Variants in COCH observed in about 807,000 individuals in gnomAD.
COCH encodes coagulation factor C homolog, cochlin (Limulus polyphemus).
In COCH, 40 loss-of-function variants were observed where a neutral mutation model predicts 54.8. That is an observed-to-expected ratio of 0.73 (90% confidence interval 0.57 to 0.95). The LOEUF (loss-of-function observed/expected upper bound fraction) is 0.95. Among genes scored for constraint, COCH ranks in the 40% least tolerant of loss-of-function variants. The probability of loss-of-function intolerance (pLI) is 0.00; values close to 1 mark genes in which losing one functional copy is unlikely to be tolerated. For missense variants in COCH, 605 were observed against 675.0 expected, an observed-to-expected ratio of 0.90 and a Z score of 1.15; for synonymous variants, 256 against 237.9, an observed-to-expected ratio of 1.08 and a Z score of -0.70.
downstream of COCH, among the ~76,000 whole-genome samples, chr14:30,891,338 TCTC>T (rs1473108061): frequency 6.6e-6 from 1 of 152,154 alleles, no homozygotes; most frequent in Non-Finnish European, 1.5e-5. Context: ...ATAGGTCCTA[TCTC>T]CTCCTCTCAT....
At chr14:30,892,171 CATT>C (rs756306278), downstream of COCH, among the ~76,000 whole-genome samples, 563 of 152,244 alleles carry the variant, frequency 3.7e-3, 1 homozygote, top group Admixed American at 6.5e-3. Context: ...GAAAATAAGA[CATT>C]ATTTTTGCAT....
chr14:30,894,997 T>C, downstream of COCH: 1 of 637,606 alleles, frequency 1.6e-6, no homozygotes, highest in Non-Finnish European at 2.0e-6. Context: ...CTCTTGGAGC[T>C]CACTTCCCCC....
At chr14:30,887,902 A>G (rs1483786718) in intron 11 of COCH, among the ~76,000 whole-genome samples, 1 of 152,212 alleles carries the variant, frequency 6.6e-6, no homozygotes, top group East Asian at 1.9e-4. Context: ...TACTTAGCTT[A>G]CTGAACTTAT....
Position 30,880,435 on chromosome 14 carries a change from T to C in COCH, c.437-17T>C, listed in dbSNP as rs780155141. 4 of 1,613,366 alleles carry C rather than the reference T, an allele frequency of 2.5e-6. No individual in the cohort carries two copies. The highest frequency in any genetic ancestry group is 1.1e-5 in the South Asian group (1 of 90,964). ...CTGTCTTCCTTTTGTTAATGCCAAG[T>C]GCATCTTTTATTTCAGGTAAACGAC... On this transcript the variant is annotated splice_polypyrimidine_tract_variant and intron_variant, in intron 6 of 11. Transcript: ENST00000396618.
Position 30,889,972 on chromosome 14 carries a change from G to A in COCH, c.*181G>A. The A allele has an allele frequency of 1.5e-6, 2 of 1,357,438 alleles. No homozygotes were observed. 84.1% of individuals were successfully genotyped at this position (1,357,438 alleles called of 1,614,324 possible). On this transcript the variant is annotated 3_prime_UTR_variant, in exon 12 of 12. Coordinates refer to ENST00000396618, the MANE Select transcript of COCH (RefSeq NM_004086.3). ...CGCTGCCTTCTGGTTACAATTTACAGTGTACTTTGTTAAAAACACTGCTGA... is the reference window on the plus strand; with the variant it reads ...CGCTGCCTTCTGGTTACAATTTACAATGTACTTTGTTAAAAACACTGCTGA...
chr14:30,895,226 C>G, downstream of COCH: 2 of 624,230 alleles, frequency 3.2e-6, no homozygotes, highest in Non-Finnish European at 5.3e-6. Flanking sequence ...CCACAAAATA[C>G]AGTAATTACA....
intron 8 of COCH, among the ~76,000 whole-genome samples, chr14:30,883,334 C>A (rs1321603828): frequency 6.6e-6 from 1 of 152,018 alleles, no homozygotes; most frequent in African/African-American, 2.4e-5. Context: ...TGACCCAATT[C>A]TTTTTGAAGA....
In COCH at chr14:30,889,694, C is replaced by G; in HGVS notation, c.1556C>G (p.Ser519Cys). 6.2e-7 allele frequency: 1 copy of G among 1,613,998 alleles called. No individual in the cohort carries two copies. Among genetic ancestry groups the G allele is most frequent in the South Asian group, 1.1e-5 (1 of 91,078 alleles). ...GATATGGCTTCTAAACCGAAGGAGTCTCATGCTTTCTTCACAAGAGAGTTC... is the reference window on the plus strand; with the variant it reads ...GATATGGCTTCTAAACCGAAGGAGTGTCATGCTTTCTTCACAAGAGAGTTC... ...LKDMASKPKE[S>C]HAFFTREFTG... Residue 519 changes from serine (S) to cysteine (C), a missense_variant, in exon 12 of 12, where the codon TCT (serine) becomes TGT (cysteine). Ser to Cys is a moderately radical substitution (Grantham distance 112). Transcript: ENST00000396618.
At chr14:30,878,074 C>G (rs1431546793) in intron 4 of COCH, among the ~76,000 whole-genome samples, 1 of 152,192 alleles carries the variant, frequency 6.6e-6, no homozygotes, top group Non-Finnish European at 1.5e-5. Flanking sequence ...ACTCCAGTTA[C>G]AGATGAAGAA....
At chr14:30,892,761 C>G (rs554649328), downstream of COCH, among the ~76,000 whole-genome samples, 1 of 151,768 alleles carries the variant, frequency 6.6e-6, no homozygotes, top group South Asian at 2.1e-4. Context: ...GTGCCGAGAT[C>G]GCACCATTGC....
At chr14:30,888,272 G>A (rs1298031210) in intron 11 of COCH, among the ~76,000 whole-genome samples, 1 of 151,504 alleles carries the variant, frequency 6.6e-6, no homozygotes, top group Non-Finnish European at 1.5e-5. Flanking sequence ...GGGAGTGAGA[G>A]TCAGGAAAAG....
downstream of COCH, among the ~76,000 whole-genome samples, chr14:30,892,673 G>A (rs1270889157): frequency 1.3e-5 from 2 of 152,044 alleles, no homozygotes; most frequent in Admixed American, 1.3e-4. Flanking sequence ...CAGGTATGGT[G>A]GCGCATGCCT....
At chr14:30,882,120 G>GTTTTTTTTTTTTTGTTTTGTTTTT (rs1895619344) in intron 8 of COCH, among the ~76,000 whole-genome samples, 1 of 67,912 alleles carries the variant, frequency 1.5e-5, no homozygotes, top group African/African-American at 6.6e-5. Context: ...CTATAAAATG[G>GTTTTTTTTTTTTTGTTTTGTTTTT]TTTTTTTTTT....
Position 30,885,914 on chromosome 14 carries a change from A to G in COCH, c.1079A>G (p.Lys360Arg). ...LCTHEQMMCS[K>R]TCYNSVNIAF... ...ACTCATGAACAAATGATGTGCAGCA[A>G]GACCTGTTATAACTCAGTGAACATT... The change falls in exon 11 of 12, where the codon AAG becomes AGG. Residue 360 changes from lysine (K) to arginine (R), a missense_variant. Transcript: ENST00000396618. The G allele has an allele frequency of 6.2e-7, 1 of 1,614,238 alleles. No homozygotes were observed. Among genetic ancestry groups the G allele is most frequent in the African/African-American group, 1.3e-5 (1 of 75,060 alleles).
At position 30,878,958 on chromosome 14, in the gene COCH, T is replaced by C. The variant is rs560386160; in HGVS notation, c.373+14T>C. The C allele has an allele frequency of 6.2e-7, 1 of 1,613,676 alleles. No homozygotes were observed. Among genetic ancestry groups the C allele is most frequent in the East Asian group, 2.2e-5 (1 of 44,874 alleles). Reference sequence around the variant, plus strand: ...TCACAGTAACTAGTAGGTATAATTATTGTTCTCATTCTGTAATATTCTCCC... The same window carrying C: ...TCACAGTAACTAGTAGGTATAATTACTGTTCTCATTCTGTAATATTCTCCC... On this transcript the variant is annotated intron_variant, in intron 5 of 11. Transcript: ENST00000396618.
downstream of COCH, chr14:30,894,467 A>T (rs1423218475): frequency 6.5e-6 from 1 of 152,706 alleles, no homozygotes; most frequent in Non-Finnish European, 1.5e-5. Context: ...AGCAAGATGG[A>T]TAATCCTTGA....
chr14:30,875,939 G>A (rs1433830058), intron 3 of COCH: 1 of 152,114 alleles, frequency 6.6e-6, no homozygotes. Context: ...TTAGGGGTAA[G>A]GATTTTAACC....
In COCH at chr14:30,877,591, T is replaced by C. The variant is rs754016575; in HGVS notation, c.102T>C (p.Cys34=). Residue 34 remains cysteine, a synonymous_variant, in exon 4 of 12, where the codon TGT becomes TGC. Transcript: ENST00000396618. This position sits in a 1 kb window ranked among gnomAD's most constrained non-coding sequence, Gnocchi z 8.6. The part of the protein sequence containing the change: ...SEGAAPIAIT[C]FTRGLDIRKE... ...CTTCAGCTCCCATTGCTATCACATG[T>C]TTTACCAGAGGCTTGGACATCAGGA... 6.2e-7 allele frequency: 1 copy of C among 1,614,162 alleles called. No individual in the cohort carries two copies.
At chr14:30,895,234 A>G (rs1896110141), downstream of COCH, 1 of 655,192 alleles carries the variant, frequency 1.5e-6, no homozygotes, top group East Asian at 2.8e-5. Context: ...TACAGTAATT[A>G]CAGTTAACTT....
Sources: gnomAD v4.1 joint callset for allele counts (sites outside exome capture counted in the v4.1 genomes callset) on GRCh38, gnomAD v4.1.1 for gene constraint, Gnocchi (gnomAD v3.1) non-coding constraint, MANE v1.5 for transcripts, NCBI Gene and HGNC (gene_info 2026-07-23, HGNC 2026-07-21) for gene names.